ADGRG7: variants seen among roughly 807,000 people sequenced by gnomAD.
ADGRG7 encodes G-protein coupled receptor 128.
Under a neutral mutation model 88.6 loss-of-function variants are expected in ADGRG7, and 82 were observed. The ratio of observed to expected loss-of-function variants is 0.93; its 90% confidence interval spans 0.77 to 1.11. ADGRG7 has a LOEUF of 1.11. ADGRG7 is among the 50% of genes most tolerant of loss of function. ADGRG7 has a pLI of 0.00. For synonymous variants in ADGRG7, 381 were observed against 345.2 expected (o/e 1.10, Z -1.15); for missense variants, 945 against 953.4 (o/e 0.99, Z 0.12).
chr3:100,635,854 T>A (rs1718281), intron 5 of ADGRG7, 28 bp downstream of exon 5: 1,312,589 of 1,462,344 alleles, frequency 0.9, 590,248 homozygotes, highest in East Asian at 0.99. Context: ...TTAAAAAAAA[T>A]TTTTTTTTTA....
intron 10 of ADGRG7, among the ~76,000 whole-genome samples, chr3:100,647,617 T>C (rs371455625): frequency 6.6e-6 from 1 of 152,226 alleles, no homozygotes; most frequent in Non-Finnish European, 1.5e-5. Context: ...CAGCTGTGCA[T>C]GCGTCTCTCA....
In ADGRG7 at chr3:100,635,815, G is replaced by T; in HGVS notation, c.586G>T (p.Ala196Ser). ...VGQIFNTSRN[A>S]SPEAKKVAIV... is the part of the protein sequence containing the mutation. ...ACAGATATTCAACACTTCCAGAAAT[G>T]CTTCACCTGAGGTAAAACTCACAGA... The change falls in exon 5 of 16, where the codon GCT becomes TCT. Residue 196 changes from alanine (A) to serine (S), a missense_variant. Physicochemically the swap from Ala to Ser is moderately conservative, Grantham distance 99. Coordinates refer to ENST00000273352, the MANE Select transcript of ADGRG7 (RefSeq NM_032787.3). 1 of 1,610,834 alleles carries T rather than the reference G, an allele frequency of 6.2e-7. No individual in the cohort carries two copies. Among genetic ancestry groups the T allele is most frequent in the Non-Finnish European group, 8.5e-7 (1 of 1,179,066 alleles).
chr3:100,626,325 G>C (rs779872199), intron 1 of ADGRG7, among the ~76,000 whole-genome samples: 2 of 152,054 alleles, frequency 1.3e-5, no homozygotes, highest in Non-Finnish European at 2.9e-5. Flanking sequence ...GCCTTTCTAA[G>C]TGTTTTGCAT....
At position 100,645,943 on chromosome 3, in the gene ADGRG7, A is replaced by C; in HGVS notation, c.947-2A>C. ...GATTTTAATGTCTTTTTCTCCCTAT[A>C]GATTACACCAAGACATGCGGCTTTG... On this transcript the variant is annotated splice_acceptor_variant, in intron 8 of 15. Transcript: ENST00000273352. LOFTEE classifies it high-confidence loss of function. The C allele has an allele frequency of 6.2e-7, 1 of 1,612,054 alleles. No homozygotes were observed. Among genetic ancestry groups the C allele is most frequent in the Non-Finnish European group, 8.5e-7 (1 of 1,179,436 alleles).
chr3:100,685,370 T>C (rs1011920272), intron 15 of ADGRG7, among the ~76,000 whole-genome samples: 8 of 152,198 alleles, frequency 5.3e-5, no homozygotes, highest in Non-Finnish European at 7.3e-5. Flanking sequence ...CCATTCTTTT[T>C]TTTTAAATTT....
chr3:100,635,466 T>C, intron 4 of ADGRG7: 1 of 1,112,038 alleles, frequency 9.0e-7, no homozygotes, highest in South Asian at 2.0e-5. Flanking sequence ...AGTTAATCAA[T>C]CCTGTCAAAC....
At chr3:100,660,797 A>G (rs947572472) in intron 14 of ADGRG7, among the ~76,000 whole-genome samples, 6 of 151,978 alleles carry the variant, frequency 3.9e-5, no homozygotes, top group Non-Finnish European at 7.4e-5. Context: ...TACTAAAAAT[A>G]CAAAATTAGC....
At chr3:100,654,516 C>A in intron 11 of ADGRG7, 1 of 233,270 alleles carries the variant, frequency 4.3e-6, no homozygotes, top group East Asian at 1.1e-4. Flanking sequence ...GAAGGGACTA[C>A]GCAGGGCTAC....
At chr3:100,654,012 A>G (rs552942185) in intron 11 of ADGRG7, among the ~76,000 whole-genome samples, 1 of 152,308 alleles carries the variant, frequency 6.6e-6, no homozygotes, top group African/African-American at 2.4e-5. Context: ...GGAAACAGGG[A>G]CTATCAGCAA....
Position 100,647,168 on chromosome 3 carries a change from C to G in ADGRG7, c.1266+444C>G, listed in dbSNP as rs115378433. 3.5e-3 allele frequency among the ~76,000 whole-genome samples: 529 copies of G among 151,992 alleles called. 5 individuals are homozygous for G. The highest frequency in any genetic ancestry group is 5.2e-3 in the Non-Finnish European group (350 of 67,956). On this transcript the variant is annotated intron_variant, in intron 10 of 15. Transcript: ENST00000273352. ...TGAGACTCTGTCTCGAAAACAAAAA[C>G]AAAACAAACAAAAAAAATAGGACTA...
chr3:100,624,071 G>T (rs1022716272), intron 1 of ADGRG7, among the ~76,000 whole-genome samples: 2 of 152,066 alleles, frequency 1.3e-5, no homozygotes, highest in Non-Finnish European at 2.9e-5. Context: ...GGATTAGTGG[G>T]TCAAACGGTA....
chr3:100,662,568 ATG>A (rs1394323033), intron 14 of ADGRG7, among the ~76,000 whole-genome samples: 4 of 152,152 alleles, frequency 2.6e-5, no homozygotes, highest in Non-Finnish European at 4.4e-5. Flanking sequence ...TTTTCTTCAT[ATG>A]TGTTTTTGTT....
chr3:100,685,580 T>G (rs963041043), intron 15 of ADGRG7, among the ~76,000 whole-genome samples: 1 of 152,180 alleles, frequency 6.6e-6, no homozygotes, highest in Admixed American at 6.5e-5. Flanking sequence ...TGTGTCCATG[T>G]GTTCTCATTG....
intron 6 of ADGRG7, 39 bp downstream of exon 6, chr3:100,637,441 G>A (rs1195489798): frequency 7.1e-7 from 1 of 1,409,284 alleles, no homozygotes; most frequent in Admixed American, 1.7e-5. Flanking sequence ...ACTTGACTAA[G>A]GGCTGTTTAC....
Position 100,655,185 on chromosome 3 carries a change from A to G in ADGRG7, c.1726+4A>G, listed in dbSNP as rs2094935998. On this transcript the variant is annotated splice_donor_region_variant and intron_variant, in intron 12 of 15. Coordinates refer to ENST00000273352, the MANE Select transcript of ADGRG7 (RefSeq NM_032787.3). ...TTCATCTCATTAATTGGATGGGGTA[A>G]GTGTTTGCATCTCCCCTTTCTCAGG... 6.4e-7 allele frequency: 1 copy of G among 1,571,352 alleles called. No homozygotes were observed. Among genetic ancestry groups the G allele is most frequent in the Admixed American group, 1.8e-5 (1 of 55,832 alleles).
At position 100,622,097 on chromosome 3, in the gene ADGRG7, C is replaced by T. The variant is rs568023239; in HGVS notation, c.116-7501C>T. Among the ~76,000 whole-genome samples, 89 of 152,258 alleles carry T rather than the reference C, an allele frequency of 5.8e-4. No individual in the cohort carries two copies. The South Asian group carries it at 0.017, about 28-fold the overall frequency. ...CTAAGCTCAGGAGATAACACTCACTCGCCCATGGCTCACCTCCTGCTGTGT... is the reference window on the plus strand; with the variant it reads ...CTAAGCTCAGGAGATAACACTCACTTGCCCATGGCTCACCTCCTGCTGTGT... On this transcript the variant is annotated intron_variant, in intron 1 of 15. Transcript: ENST00000273352.
At chr3:100,626,412 G>T (rs947354500) in intron 1 of ADGRG7, among the ~76,000 whole-genome samples, 1 of 151,924 alleles carries the variant, frequency 6.6e-6, no homozygotes, top group Non-Finnish European at 1.5e-5. Flanking sequence ...GTATCAATTT[G>T]GGGAGAATAG....
chr3:100,635,874 G>C (rs764309882), intron 5 of ADGRG7, 48 bp downstream of exon 5: 6 of 1,379,036 alleles, frequency 4.4e-6, no homozygotes, highest in Non-Finnish European at 6.0e-6. Context: ...ATTTTTAGAG[G>C]GGGTGTTGGG....
At chr3:100,667,138 G>A (rs150151347) in intron 14 of ADGRG7, among the ~76,000 whole-genome samples, 3,049 of 152,012 alleles carry the variant, frequency 0.02, 105 homozygotes, top group African/African-American at 0.07. Context: ...ACAGCCTCCC[G>A]AGTAGCTAGG....
Sources: allele counts gnomAD v4.1 joint callset (sites outside exome capture counted in the v4.1 genomes callset), GRCh38; gene constraint gnomAD v4.1.1; transcripts MANE v1.5; gene names NCBI Gene and HGNC (gene_info 2026-07-23, HGNC 2026-07-21).